The following CACNA1D variants were observed in gnomAD, a reference collection of about 807,000 sequenced individuals.
CACNA1D encodes the protein voltage-dependent L-type calcium channel subunit alpha-1D.
A neutral mutation model predicts 257.1 loss-of-function variants in CACNA1D; 55 were observed. The observed-to-expected ratio is 0.21, with a 90% CI of 0.17 to 0.27. CACNA1D has a LOEUF of 0.27. CACNA1D is among the 10% of genes least tolerant of loss of function. The probability of loss-of-function intolerance (pLI) is 1.00; values close to 1 mark genes in which losing one functional copy is unlikely to be tolerated. For synonymous variants in CACNA1D, 980 were observed against 1,014.9 expected, an observed-to-expected ratio of 0.97 and a Z score of 0.65; for missense variants, 1,876 against 2,784.0, an observed-to-expected ratio of 0.67 and a Z score of 7.34.
intron 3 of CACNA1D, among the ~76,000 whole-genome samples, chr3:53,611,290 C>A (rs1014272216): frequency 8.5e-5 from 13 of 152,132 alleles, no homozygotes; most frequent in Admixed American, 1.3e-4. Context: ...GAGGCTGAAG[C>A]AGGAGGATTG....
intron 32 of CACNA1D, among the ~76,000 whole-genome samples, chr3:53,772,504 C>T (rs1329400183): frequency 6.6e-6 from 1 of 152,156 alleles, no homozygotes; most frequent in Non-Finnish European, 1.5e-5. Context: ...TAATTTCACC[C>T]CAAAAATCCA....
chr3:53,521,462 C>T (rs1257353767), intron 3 of CACNA1D, among the ~76,000 whole-genome samples: 1 of 152,194 alleles, frequency 6.6e-6, no homozygotes. Context: ...TTCCAACTCC[C>T]TTGTCGGAGT....
chr3:53,629,590 C>T (rs969652531), intron 3 of CACNA1D, among the ~76,000 whole-genome samples: 1 of 152,180 alleles, frequency 6.6e-6, no homozygotes, highest in Admixed American at 6.5e-5. Context: ...CTCCTCATTC[C>T]TCATGTGGCA....
chr3:53,779,661 A>C (rs530879868), intron 37 of CACNA1D, among the ~76,000 whole-genome samples: 1 of 152,176 alleles, frequency 6.6e-6, no homozygotes, highest in South Asian at 2.1e-4. Flanking sequence ...CTATAGAGAG[A>C]GAATTAAATC....
At chr3:53,786,997 T>A in intron 40 of CACNA1D, 45 bp downstream of exon 40, 1 of 1,605,622 alleles carries the variant, frequency 6.2e-7, no homozygotes, top group Non-Finnish European at 8.5e-7. Context: ...CTAACGATTT[T>A]ACAAGCTTAT....
intron 9 of CACNA1D, among the ~76,000 whole-genome samples, chr3:53,705,173 C>G (rs1308059770): frequency 6.6e-6 from 1 of 152,052 alleles, no homozygotes; most frequent in Non-Finnish European, 1.5e-5. Flanking sequence ...CTGTGTGAGC[C>G]CAGGAGGGCG....
At chr3:53,784,152 CCCT>C (rs918883019) in intron 39 of CACNA1D, among the ~76,000 whole-genome samples, 15 of 152,168 alleles carry the variant, frequency 9.9e-5, no homozygotes, top group Admixed American at 2.6e-4. Flanking sequence ...CTCCGCTGCC[CCCT>C]CACCATCAGT....
At chr3:53,739,170 A>G (rs2095089624) in intron 20 of CACNA1D, among the ~76,000 whole-genome samples, 1 of 152,206 alleles carries the variant, frequency 6.6e-6, no homozygotes, top group East Asian at 1.9e-4. Context: ...CTTCGCTGGC[A>G]TACGCCAGGC....
In CACNA1D at chr3:53,495,074, C is replaced by G; in HGVS notation, c.-93C>G. ...AGAATAAGGGCAGGGACCGCGGCTC[C>G]TACCTCTTGGTGATCCCCTTCCCCA... is the stretch of plus-strand genomic sequence containing the variant. On this transcript the variant is annotated 5_prime_UTR_variant, in exon 1 of 48. Coordinates refer to ENST00000350061, the MANE Select transcript of CACNA1D (RefSeq NM_001128840.3). This position sits in a 1 kb window ranked among gnomAD's most constrained non-coding sequence, Gnocchi z 5.1. The G allele has an allele frequency of 2.3e-6, 2 of 884,488 alleles. No individual in the cohort carries two copies. The highest frequency in any genetic ancestry group is 2.6e-5 in the South Asian group (2 of 77,486). The allele number at this position is 884,488 out of a possible 1,614,324, so 54.8% of individuals were successfully genotyped here. A position where few individuals can be genotyped will look rare whatever the true frequency, so the allele number is the denominator to read the frequency against.
intron 8 of CACNA1D, among the ~76,000 whole-genome samples, chr3:53,674,643 G>A (rs1317790076): frequency 6.6e-6 from 1 of 152,206 alleles, no homozygotes; most frequent in East Asian, 1.9e-4. Context: ...AACCCTTGTG[G>A]GCAGCCCTGC....
chr3:53,670,684 A>T (rs1576301217), intron 7 of CACNA1D, among the ~76,000 whole-genome samples: 1 of 152,210 alleles, frequency 6.6e-6, no homozygotes, highest in Non-Finnish European at 1.5e-5. Context: ...GAAGCTAAAA[A>T]GAAAATTATT....
intron 9 of CACNA1D, among the ~76,000 whole-genome samples, chr3:53,711,435 G>A (rs911185279): frequency 2.0e-5 from 3 of 152,206 alleles, no homozygotes; most frequent in African/African-American, 2.4e-5. Flanking sequence ...AGACAGTTAG[G>A]TGAGCAGCTG....
intron 39 of CACNA1D, among the ~76,000 whole-genome samples, chr3:53,784,218 A>T (rs1430267867): frequency 6.6e-6 from 1 of 152,000 alleles, no homozygotes; most frequent in Non-Finnish European, 1.5e-5. Flanking sequence ...TCTGCTCTTC[A>T]GCCTTCCCGT....
chr3:53,732,804 T>C lies in CACNA1D; in HGVS notation c.2474-11T>C. ...TATTTCATGCCTATAAAAAAAGTAT[T>C]TCATTTAAAGTAGGGGAAGAGGAAG... On this transcript the variant is annotated splice_polypyrimidine_tract_variant and intron_variant, in intron 18 of 47. Transcript: ENST00000350061. The C allele has an allele frequency of 2.5e-6, 4 of 1,611,166 alleles. No individual in the cohort carries two copies. Among genetic ancestry groups the C allele is most frequent in the Non-Finnish European group, 2.5e-6 (3 of 1,177,366 alleles).
At chr3:53,555,276 A>T (rs2092616935) in intron 3 of CACNA1D, among the ~76,000 whole-genome samples, 1 of 152,140 alleles carries the variant, frequency 6.6e-6, no homozygotes, top group Non-Finnish European at 1.5e-5. Context: ...TGTATTTTAC[A>T]AAGCTGTGGA....
chr3:53,777,761 G>A lies in CACNA1D; in HGVS notation c.4587+805G>A, dbSNP rs537189236. On this transcript the variant is annotated intron_variant, in intron 37 of 47. Transcript: ENST00000350061. ...GATGCAGATCTCCCAGTGCAACGCA[G>A]TTCTGTGTTTCCATGCCAGAGCACG... Among the ~76,000 whole-genome samples the A allele has an allele frequency of 3.0e-4, 46 of 152,334 alleles. No individual in the cohort carries two copies. The South Asian group carries it at 9.3e-3, about 31-fold the overall frequency.
chr3:53,703,433 G>C (rs1470905118), intron 9 of CACNA1D, among the ~76,000 whole-genome samples: 1 of 152,178 alleles, frequency 6.6e-6, no homozygotes, highest in Non-Finnish European at 1.5e-5. Flanking sequence ...AGGAGGCAAG[G>C]CCTGAGAACT....
chr3:53,574,330 A>G lies in CACNA1D; in HGVS notation c.483+72610A>G, dbSNP rs564725078. On this transcript the variant is annotated intron_variant, in intron 3 of 47. Coordinates refer to ENST00000350061, the MANE Select transcript of CACNA1D (RefSeq NM_001128840.3). ...AAAGGGATATGCTCATTCTCCTTTG[A>G]ACCCTTCTCACCGGATCTCCATCAT... Among the ~76,000 whole-genome samples, 3 of 152,238 alleles carry G rather than the reference A, an allele frequency of 2.0e-5. No homozygotes were observed. The South Asian group carries it at 6.2e-4, about 32-fold the overall frequency.
chr3:53,513,539 T>A (rs2091208002), intron 3 of CACNA1D, among the ~76,000 whole-genome samples: 1 of 152,074 alleles, frequency 6.6e-6, no homozygotes, highest in Non-Finnish European at 1.5e-5. Context: ...GAGGCTGAGG[T>A]GGGAGAATCA....
Sources: allele counts gnomAD v4.1 joint callset (sites outside exome capture counted in the v4.1 genomes callset), GRCh38; gene constraint gnomAD v4.1.1; non-coding constraint Gnocchi (gnomAD v3.1); transcripts MANE v1.5; gene names NCBI Gene and HGNC (gene_info 2026-07-23, HGNC 2026-07-21).